The following LARP4B variants were observed in gnomAD, a reference collection of about 807,000 sequenced individuals.
LARP4B encodes the protein La ribonucleoprotein 4B.
LARP4B carries 12 observed loss-of-function variants against 89.8 expected under a neutral mutation model. The observed-to-expected ratio is 0.13, with a 90% CI of 0.09 to 0.22. LARP4B has a LOEUF of 0.22. Among genes scored for constraint, LARP4B ranks in the 10% least tolerant of loss-of-function variants. LARP4B has a pLI of 1.00. For synonymous variants in LARP4B, 367 were observed against 363.3 expected, an observed-to-expected ratio of 1.01 and a Z score of -0.12; for missense variants, 757 against 947.7, an observed-to-expected ratio of 0.80 and a Z score of 2.64.
chr10:921,457 A>T (rs965971710), intron 1 of LARP4B, among the ~76,000 whole-genome samples: 21 of 152,160 alleles, frequency 1.4e-4, no homozygotes, highest in African/African-American at 4.3e-4. Flanking sequence ...TATTCTCAAT[A>T]ACAGAATAAA....
chr10:934,133 G>C (rs1327742334), upstream of LARP4B, among the ~76,000 whole-genome samples: 1 of 151,950 alleles, frequency 6.6e-6, no homozygotes, highest in Non-Finnish European at 1.5e-5. Context: ...TTCCCGGCTG[G>C]TAGGTTAAAC....
chr10:861,905 CTTT>C (rs1318112006), intron 5 of LARP4B, among the ~76,000 whole-genome samples: 1 of 152,128 alleles, frequency 6.6e-6, no homozygotes, highest in Non-Finnish European at 1.5e-5. Flanking sequence ...TGTATAATGC[CTTT>C]TTATCTTTTG....
At chr10:958,804 G>A in the LARP4B span, among the ~76,000 whole-genome samples, 9 of 152,344 alleles carry the variant, frequency 5.9e-5, no homozygotes, top group South Asian at 1.7e-3. Context: ...GGGGGTCCAC[G>A]TGGAGTCACA....
At chr10:941,488 A>G in the LARP4B span, among the ~76,000 whole-genome samples, 1 of 151,130 alleles carries the variant, frequency 6.6e-6, no homozygotes, top group East Asian at 2.0e-4. Flanking sequence ...TAATTTTTGT[A>G]TTTTTGGTAG....
chr10:963,059 C>T, the LARP4B span, among the ~76,000 whole-genome samples: 4 of 152,308 alleles, frequency 2.6e-5, no homozygotes, highest in East Asian at 3.9e-4. Flanking sequence ...GCAGCAGTAG[C>T]GTTTCCCAGA....
At chr10:817,007 C>A (rs918941387) in intron 15 of LARP4B, among the ~76,000 whole-genome samples, 4 of 152,254 alleles carry the variant, frequency 2.6e-5, no homozygotes, top group South Asian at 2.1e-4. Context: ...GGGAAAGGGC[C>A]CCTGGCACAG....
chr10:842,473 C>T (rs989682608), intron 7 of LARP4B, among the ~76,000 whole-genome samples: 4 of 152,000 alleles, frequency 2.6e-5, no homozygotes, highest in East Asian at 1.9e-4. Flanking sequence ...TGGGATTACA[C>T]GCGTAAGCCA....
intron 5 of LARP4B, among the ~76,000 whole-genome samples, chr10:859,412 T>G (rs1834476575): frequency 6.6e-6 from 1 of 152,096 alleles, no homozygotes; most frequent in Admixed American, 6.6e-5. Context: ...CCAAAAAAAG[T>G]TAAACATAAG....
Position 814,872 on chromosome 10 carries a change from T to C in LARP4B, c.1821-22A>G, listed in dbSNP as rs537007926. On this transcript the variant is annotated intron_variant, in intron 16 of 17. Coordinates refer to ENST00000316157, the MANE Select transcript of LARP4B (RefSeq NM_015155.3). This position sits in a 1 kb window ranked among gnomAD's most constrained non-coding sequence, Gnocchi z 4.4. The stretch of plus-strand genomic sequence containing the variant: ...ATCACTGTAAAAATGCCACCCGATA[T>C]TTGAATCTCATGCAACATCACAGGC... The C allele has an allele frequency of 1.3e-6, 2 of 1,582,782 alleles. No homozygotes were observed. Among genetic ancestry groups the C allele is most frequent in the East Asian group, 2.3e-5 (1 of 44,314 alleles).
the LARP4B span, among the ~76,000 whole-genome samples, chr10:981,137 A>G: frequency 2.0e-5 from 3 of 152,254 alleles, no homozygotes; most frequent in Non-Finnish European, 4.4e-5. Context: ...TTGCTAAGGC[A>G]TAACAAGGGT....
At chr10:936,494 T>A (rs1003017270), upstream of LARP4B, among the ~76,000 whole-genome samples, 1 of 151,938 alleles carries the variant, frequency 6.6e-6, no homozygotes, top group Non-Finnish European at 1.5e-5. Flanking sequence ...CCGAGGCGGG[T>A]GTATCATCTA....
chr10:909,025 T>C (rs966296339), intron 1 of LARP4B, among the ~76,000 whole-genome samples: 2 of 152,116 alleles, frequency 1.3e-5, no homozygotes, highest in Admixed American at 6.5e-5. Flanking sequence ...CCAGGCGCGG[T>C]GGCTCATGCC....
chr10:905,801 C>T (rs180780799), intron 1 of LARP4B, among the ~76,000 whole-genome samples: 2 of 152,172 alleles, frequency 1.3e-5, no homozygotes, highest in African/African-American at 4.8e-5. Flanking sequence ...TATCTCCAAC[C>T]TCCCAGAAAA....
Position 814,817 on chromosome 10 carries a change from G to A in LARP4B, c.1854C>T (p.Thr618=), listed in dbSNP as rs1259958247. The change falls in exon 17 of 18, where the codon ACC becomes ACT. Residue 618 remains threonine, a synonymous_variant. Transcript: ENST00000316157. This position sits in a 1 kb window ranked among gnomAD's most constrained non-coding sequence, Gnocchi z 4.4. ...DPKVAEKQRE[T]HSVDRLPSAL... ...CGGAAGGAAGTCTGTCCACACTGTG[G>A]GTTTCCCTCTGTTTCTCCGCCACCT... 6.3e-7 allele frequency: 1 copy of A among 1,598,146 alleles called. No individual in the cohort carries two copies. The highest frequency in any genetic ancestry group is 1.7e-5 in the Admixed American group (1 of 59,380).
At chr10:928,191 C>G (rs1476695574) in intron 1 of LARP4B, among the ~76,000 whole-genome samples, 1 of 151,138 alleles carries the variant, frequency 6.6e-6, no homozygotes, top group African/African-American at 2.4e-5. Flanking sequence ...CATTGCACTC[C>G]AGCTTGGGCG....
At chr10:819,740 A>C (rs1832247491) in intron 14 of LARP4B, 1 of 152,252 alleles carries the variant, frequency 6.6e-6, no homozygotes, top group South Asian at 2.1e-4. Context: ...TTAACTGGTA[A>C]AAACTGCCTT....
At chr10:988,316 C>T in the LARP4B span, 5 of 634,232 alleles carry the variant, frequency 7.9e-6, no homozygotes, top group South Asian at 3.7e-5. Flanking sequence ...CCAAGCCGGG[C>T]GGGTGCGCTG....
chr10:880,746 A>ACTCC, intron 3 of LARP4B, among the ~76,000 whole-genome samples: 1 of 152,140 alleles, frequency 6.6e-6, no homozygotes, highest in South Asian at 2.1e-4. Flanking sequence ...AGAGTTTAGT[A>ACTCC]TGAGGATGAG....
At position 820,874 on chromosome 10, in the gene LARP4B, A is replaced by AT. The variant is rs773993108; in HGVS notation, c.1485-30dup. ...GAGGAGTGGAAAGTGAAAGACTGTT[A>AT]TTTTTTTCCCACTTGGAGAATTTAT... On this transcript the variant is annotated intron_variant, in intron 13 of 17. Transcript: ENST00000316157. The AT allele has an allele frequency of 5.0e-6, 8 of 1,605,134 alleles. No individual in the cohort carries two copies. The South Asian group carries it at 5.6e-5, about 11-fold the overall frequency.
Sources: gnomAD v4.1 joint callset for allele counts (sites outside exome capture counted in the v4.1 genomes callset) on GRCh38, gnomAD v4.1.1 for gene constraint, Gnocchi (gnomAD v3.1) non-coding constraint, MANE v1.5 for transcripts, NCBI Gene and HGNC (gene_info 2026-07-23, HGNC 2026-07-21) for gene names.